The following HNF1A variants were observed in gnomAD, a reference collection of about 807,000 sequenced individuals.
HNF1A encodes the protein hepatocyte nuclear factor 1-alpha.
A neutral mutation model predicts 62.2 loss-of-function variants in HNF1A; 21 were observed. The observed-to-expected ratio is 0.34, with a 90% CI of 0.24 to 0.49. HNF1A has a LOEUF of 0.49. Among genes scored for constraint, HNF1A ranks in the 20% least tolerant of loss-of-function variants. The probability of loss-of-function intolerance (pLI) is 0.99; values close to 1 mark genes in which losing one functional copy is unlikely to be tolerated. For synonymous variants in HNF1A, 374 were observed against 366.8 expected (o/e 1.02, Z -0.22); for missense variants, 687 against 832.3 (o/e 0.83, Z 2.15).
At chr12:120,985,531 G>C (rs1876466351) in intron 1 of HNF1A, among the ~76,000 whole-genome samples, 1 of 150,434 alleles carries the variant, frequency 6.6e-6, no homozygotes, top group Admixed American at 6.6e-5. Context: ...AATTAGCTGG[G>C]CATGTTGGCA....
intron 2 of HNF1A, among the ~76,000 whole-genome samples, chr12:120,993,156 G>T (rs899337812): frequency 6.6e-6 from 1 of 152,212 alleles, no homozygotes; most frequent in Non-Finnish European, 1.5e-5. Flanking sequence ...GGAAAAATAT[G>T]TAAGCTCTCT....
chr12:120,997,956 T>A (rs1268973293), intron 7 of HNF1A: 1 of 622,164 alleles, frequency 1.6e-6, no homozygotes, highest in Non-Finnish European at 2.9e-6. Context: ...TAGGGCCATA[T>A]GAATTTCTAA....
At chr12:120,987,911 G>C (rs956251051) in intron 1 of HNF1A, among the ~76,000 whole-genome samples, 4 of 151,988 alleles carry the variant, frequency 2.6e-5, no homozygotes, top group Non-Finnish European at 4.4e-5. Context: ...GCTGGAGTAG[G>C]TGTAAAATTG....
chr12:120,990,269 G>A (rs1176639503), intron 2 of HNF1A, among the ~76,000 whole-genome samples: 2 of 152,074 alleles, frequency 1.3e-5, no homozygotes, highest in Admixed American at 1.3e-4. Context: ...AGCCTCCCGA[G>A]TAGCTGGGAC....
At position 120,978,692 on chromosome 12, in the gene HNF1A, G is replaced by A. The variant is rs1876071654; in HGVS notation, c.-77G>A. ...TTTGGTTTGTGTCTGCCGGCCGGCA[G>A]GCAAACGCAACCCACGCGGTGGGGG... On this transcript the variant is annotated 5_prime_UTR_variant, in exon 1 of 10. Transcript: ENST00000257555. 4.3e-6 allele frequency: 6 copies of A among 1,411,382 alleles called. No individual in the cohort carries two copies. In the East Asian group the frequency reaches 1.4e-4, roughly 32 times the overall value. 87.4% of individuals were successfully genotyped at this position (1,411,382 alleles called of 1,614,324 possible). A position where few individuals can be genotyped will look rare whatever the true frequency, so the allele number is the denominator to read the frequency against.
Position 120,996,567 on chromosome 12 carries a change from CCCT to C in HNF1A, c.1135_1137del (p.Pro379del), listed in dbSNP as rs1374096685. 6.2e-7 allele frequency: 1 copy of C among 1,613,972 alleles called. No individual in the cohort carries two copies. Among genetic ancestry groups the C allele is most frequent in the Non-Finnish European group, 8.5e-7 (1 of 1,179,988 alleles). ...TCTCAGCAGCTGGGGGCCCCCTCCC[CCCT>C]GTCAGCACCCTGACAGCACTGCACA... On this transcript the variant is annotated inframe_deletion, in exon 6 of 10. Transcript: ENST00000257555. This position sits in a 1 kb window ranked among gnomAD's most constrained non-coding sequence, Gnocchi z 4.5.
intron 1 of HNF1A, among the ~76,000 whole-genome samples, chr12:120,981,535 G>A (rs745996554): frequency 6.6e-6 from 1 of 151,978 alleles, no homozygotes; most frequent in Non-Finnish European, 1.5e-5. Flanking sequence ...TCTTCCTCTC[G>A]GCCTTTGCTG....
At chr12:120,994,089 G>A in intron 3 of HNF1A, 75 bp from the exon 4 acceptor site, 1 of 1,568,082 alleles carries the variant, frequency 6.4e-7, no homozygotes, top group South Asian at 1.2e-5. Context: ...CAGCTTCTCA[G>A]AACCCTCCCC....
chr12:120,979,245 G>A, intron 1 of HNF1A, 151 bp downstream of exon 1: 1 of 751,104 alleles, frequency 1.3e-6, no homozygotes, highest in Non-Finnish European at 2.2e-6. Context: ...AGAGCCCAGG[G>A]GTCCTTGCTT....
chr12:120,980,779 G>A (rs535070839), intron 1 of HNF1A: 1 of 152,486 alleles, frequency 6.6e-6, no homozygotes, highest in South Asian at 2.1e-4. Flanking sequence ...TGGAAGCTGA[G>A]GCAGAGAGTG....
In HNF1A at chr12:121,001,312, G is replaced by A; in HGVS notation, c.*120G>A. 3 of 1,240,376 alleles carry A rather than the reference G, an allele frequency of 2.4e-6. No individual in the cohort carries two copies. Among genetic ancestry groups the A allele is most frequent in the South Asian group, 2.6e-5 (2 of 75,610 alleles). 76.8% of individuals were successfully genotyped at this position (1,240,376 alleles called of 1,614,324 possible). A position where few individuals can be genotyped will look rare whatever the true frequency, so the allele number is the denominator to read the frequency against. Reference sequence around the variant, plus strand: ...ACCGTGGCCCTTCCTGGACAGCTGTGCCTCGCTCCCCACTCTGCTCTGATG... The same window carrying A: ...ACCGTGGCCCTTCCTGGACAGCTGTACCTCGCTCCCCACTCTGCTCTGATG... On this transcript the variant is annotated 3_prime_UTR_variant, in exon 10 of 10. Coordinates refer to ENST00000257555, the MANE Select transcript of HNF1A (RefSeq NM_000545.8).
At position 120,978,739 on chromosome 12, in the gene HNF1A, C is replaced by T. The variant is rs759730121; in HGVS notation, c.-30C>T. ...GGGGAGGCGGCTAGCGTGGTGGACC[C>T]GGGCCGCGTGGCCCTGTGGCAGCCG... On this transcript the variant is annotated 5_prime_UTR_variant, in exon 1 of 10. Coordinates refer to ENST00000257555, the MANE Select transcript of HNF1A (RefSeq NM_000545.8). The T allele has an allele frequency of 5.6e-6, 9 of 1,606,708 alleles. No homozygotes were observed. Among genetic ancestry groups the T allele is most frequent in the Admixed American group, 5.0e-5 (3 of 59,994 alleles).
chr12:120,985,376 C>A (rs1030812649), intron 1 of HNF1A, among the ~76,000 whole-genome samples: 11 of 151,210 alleles, frequency 7.3e-5, no homozygotes, highest in African/African-American at 2.7e-4. Flanking sequence ...GCCACCATAC[C>A]CAGTTTACAA....
At chr12:120,994,015 A>G (rs1022977885) in intron 3 of HNF1A, 149 bp from the exon 4 acceptor site, 80 of 1,047,296 alleles carry the variant, frequency 7.6e-5, no homozygotes, top group Non-Finnish European at 1.0e-4. Context: ...CAATTGCCCA[A>G]GGTCACACAG....
chr12:120,988,879 C>T lies in HNF1A; in HGVS notation c.373C>T (p.Gln125Ter). 1 of 1,614,264 alleles carries T rather than the reference C, an allele frequency of 6.2e-7. No homozygotes were observed. The highest frequency in any genetic ancestry group is 8.5e-7 in the Non-Finnish European group (1 of 1,180,048). Reference protein sequence around the residue: ...VAKMVKSYLQQHNIPQREVVD... With the variant: ...VAKMVKSYLQ ...GAAGATGGTCAAGTCCTACCTGCAG[C>T]AGCACAACATCCCACAGCGGGAGGT... The change falls in exon 2 of 10, where the codon CAG becomes TAG. Residue 125 changes from glutamine (Q) to a stop codon, truncating the protein, a stop_gained. Coordinates refer to ENST00000257555, the MANE Select transcript of HNF1A (RefSeq NM_000545.8). LOFTEE classifies it high-confidence loss of function.
intron 6 of HNF1A, 78 bp from the exon 7 acceptor site, chr12:120,997,396 G>A: frequency 6.9e-7 from 1 of 1,458,632 alleles, no homozygotes; most frequent in African/African-American, 1.4e-5. Context: ...GGAAGGAGAG[G>A]TGGTGCCCTT....
At chr12:120,983,916 C>CTGTGTGTGTGTGTCTGTG (rs1876376426) in intron 1 of HNF1A, among the ~76,000 whole-genome samples, 1 of 137,278 alleles carries the variant, frequency 7.3e-6, no homozygotes, top group Non-Finnish European at 1.6e-5. Flanking sequence ...CTTGAAGACT[C>CTGTGTGTGTGTGTCTGTG]TGTGTGTGTG....
At chr12:120,997,824 A>G in intron 7 of HNF1A, 159 bp downstream of exon 7, 1 of 789,170 alleles carries the variant, frequency 1.3e-6, no homozygotes, top group Non-Finnish European at 2.2e-6. Flanking sequence ...GTGTGTTCCC[A>G]TGTGAATGCA....
At chr12:120,982,518 A>G (rs928353172) in intron 1 of HNF1A, among the ~76,000 whole-genome samples, 3 of 152,072 alleles carry the variant, frequency 2.0e-5, no homozygotes, top group Non-Finnish European at 2.9e-5. Flanking sequence ...CTGCATCCTA[A>G]TCCTAGCTCT....
Sources: gnomAD v4.1 joint callset for allele counts (sites outside exome capture counted in the v4.1 genomes callset) on GRCh38, gnomAD v4.1.1 for gene constraint, Gnocchi (gnomAD v3.1) non-coding constraint, MANE v1.5 for transcripts, NCBI Gene and HGNC (gene_info 2026-07-23, HGNC 2026-07-21) for gene names.